Variants in LRRTM4 observed in about 807,000 individuals in gnomAD.
The protein encoded by LRRTM4 is leucine rich repeat transmembrane neuronal 4.
Under a neutral mutation model 47.6 loss-of-function variants are expected in LRRTM4, and 25 were observed. That is an observed-to-expected ratio of 0.53 (90% CI 0.38 to 0.73). The LOEUF (loss-of-function observed/expected upper bound fraction) is 0.73. LRRTM4 is among the 30% of genes least tolerant of loss of function. The pLI, the probability that LRRTM4 is intolerant of heterozygous loss-of-function variation, is 0.00. For missense variants in LRRTM4, 638 were observed against 713.4 expected, an observed-to-expected ratio of 0.89 and a Z score of 1.20; for synonymous variants, 311 against 269.5, an observed-to-expected ratio of 1.15 and a Z score of -1.51.
intron 3 of LRRTM4, among the ~76,000 whole-genome samples, chr2:77,017,319 T>TGA (rs1678104354): frequency 1.3e-5 from 2 of 152,222 alleles, no homozygotes; most frequent in Non-Finnish European, 2.9e-5. Context: ...CTACATAAGC[T>TGA]TTTAAATAAT....
At chr2:77,044,031 CTGTT>C (rs1316199901) in intron 3 of LRRTM4, among the ~76,000 whole-genome samples, 6 of 151,412 alleles carry the variant, frequency 4.0e-5, no homozygotes, top group African/African-American at 1.5e-4. Flanking sequence ...TCCTTCATTT[CTGTT>C]TGTTTTCTTC....
At chr2:76,785,675 G>A (rs1674634643) in intron 3 of LRRTM4, among the ~76,000 whole-genome samples, 1 of 152,108 alleles carries the variant, frequency 6.6e-6, no homozygotes, top group African/African-American at 2.4e-5. Flanking sequence ...ATTAAAATAA[G>A]ACTTTTTTCA....
At chr2:77,509,237 A>AG (rs1354628818) in intron 3 of LRRTM4, among the ~76,000 whole-genome samples, 10 of 151,484 alleles carry the variant, frequency 6.6e-5, no homozygotes, top group Non-Finnish European at 1.5e-4. Context: ...GTATCAAAAA[A>AG]AAAAAAAAAG....
At chr2:77,090,824 T>G (rs1318337638) in intron 3 of LRRTM4, among the ~76,000 whole-genome samples, 1 of 151,982 alleles carries the variant, frequency 6.6e-6, no homozygotes, top group Non-Finnish European at 1.5e-5. Context: ...TGACTCCTCC[T>G]CGGCTTAGCA....
chr2:77,469,672 C>T (rs182637275), intron 3 of LRRTM4, among the ~76,000 whole-genome samples: 1 of 152,066 alleles, frequency 6.6e-6, no homozygotes, highest in Admixed American at 6.5e-5. Context: ...CAATCTCACT[C>T]TGGAAAGGAA....
chr2:77,098,560 A>C (rs1572960666), intron 3 of LRRTM4, among the ~76,000 whole-genome samples: 1 of 152,172 alleles, frequency 6.6e-6, no homozygotes, highest in Non-Finnish European at 1.5e-5. Context: ...AATAAATATT[A>C]GAGCTTATTC....
chr2:77,069,590 C>T (rs1042710555), intron 3 of LRRTM4, among the ~76,000 whole-genome samples: 1 of 152,120 alleles, frequency 6.6e-6, no homozygotes, highest in Admixed American at 6.6e-5. Context: ...TTCTGGTGTC[C>T]TATTACTTCG....
chr2:77,044,708 ACATTT>A (rs1191584035), intron 3 of LRRTM4, among the ~76,000 whole-genome samples: 1 of 151,696 alleles, frequency 6.6e-6, no homozygotes, highest in Non-Finnish European at 1.5e-5. Flanking sequence ...TATACACCAT[ACATTT>A]ATGTATATGT....
chr2:77,242,062 A>C (rs1189815595), intron 3 of LRRTM4, among the ~76,000 whole-genome samples: 1 of 152,158 alleles, frequency 6.6e-6, no homozygotes, highest in Non-Finnish European at 1.5e-5. Context: ...AAGTTTGAAA[A>C]TCTGGAAATA....
At chr2:77,314,047 A>G (rs1490792558) in intron 3 of LRRTM4, among the ~76,000 whole-genome samples, 2 of 152,202 alleles carry the variant, frequency 1.3e-5, no homozygotes, top group Non-Finnish European at 2.9e-5. Flanking sequence ...ACAATATCCT[A>G]TTTGGCTAAA....
chr2:76,963,235 A>G (rs1675918951), intron 3 of LRRTM4, among the ~76,000 whole-genome samples: 1 of 150,960 alleles, frequency 6.6e-6, no homozygotes, highest in African/African-American at 2.4e-5. Context: ...TAATATAACA[A>G]TTTTATAGAC....
At chr2:77,008,942 AAAAAG>A (rs897320762) in intron 3 of LRRTM4, 6 of 111,562 alleles carry the variant, frequency 5.4e-5, no homozygotes, top group African/African-American at 9.4e-5. Flanking sequence ...CAACAAGAAA[AAAAAG>A]AAAAGAAAAA....
chr2:77,113,419 G>A (rs530772023), intron 3 of LRRTM4, among the ~76,000 whole-genome samples: 2 of 152,246 alleles, frequency 1.3e-5, no homozygotes, highest in East Asian at 3.9e-4. Context: ...GGCGCATAGC[G>A]ACGCATTTGT....
Position 77,110,079 on chromosome 2 carries a change from T to A in LRRTM4, c.1552-361163A>T, listed in dbSNP as rs184586714. 4.6e-5 allele frequency among the ~76,000 whole-genome samples: 7 copies of A among 152,188 alleles called. No homozygotes were observed. The East Asian group carries it at 7.7e-4, about 17-fold the overall frequency. On this transcript the variant is annotated intron_variant, in intron 3 of 3. Coordinates refer to ENST00000409884, the MANE Select transcript of LRRTM4 (RefSeq NM_001134745.3). ...TGTATGGCTTCACATTTCTCAAAAT[T>A]GTTGAAAGGCATGAATCCTTAGACA...
intron 3 of LRRTM4, among the ~76,000 whole-genome samples, chr2:76,846,353 C>G (rs931266165): frequency 6.6e-6 from 1 of 152,062 alleles, no homozygotes; most frequent in African/African-American, 2.4e-5. Flanking sequence ...GGTCCCGGTG[C>G]CATAAACAAA....
chr2:77,350,816 T>G (rs1342051784), intron 3 of LRRTM4, among the ~76,000 whole-genome samples: 1 of 152,160 alleles, frequency 6.6e-6, no homozygotes, highest in Non-Finnish European at 1.5e-5. Context: ...TTGCTCTGAC[T>G]CACCAGTACT....
chr2:77,339,901 C>T (rs1269015379), intron 3 of LRRTM4, among the ~76,000 whole-genome samples: 1 of 151,910 alleles, frequency 6.6e-6, no homozygotes, highest in Non-Finnish European at 1.5e-5. Context: ...CATGTTGCTT[C>T]ATATGCTAAA....
chr2:77,419,397 A>G (rs552365371), intron 3 of LRRTM4, among the ~76,000 whole-genome samples: 1 of 152,340 alleles, frequency 6.6e-6, no homozygotes, highest in African/African-American at 2.4e-5. Flanking sequence ...ATGGATGTTC[A>G]AGTCCCTTAT....
intron 3 of LRRTM4, among the ~76,000 whole-genome samples, chr2:77,063,111 T>C (rs913838051): frequency 6.1e-5 from 9 of 148,690 alleles, no homozygotes; most frequent in African/African-American, 1.8e-4. Context: ...CATGCCACCA[T>C]GCCCAGCTAA....
Sources: gnomAD v4.1 joint callset for allele counts (sites outside exome capture counted in the v4.1 genomes callset) on GRCh38, gnomAD v4.1.1 for gene constraint, MANE v1.5 for transcripts, NCBI Gene and HGNC (gene_info 2026-07-23, HGNC 2026-07-21) for gene names.